The following SMIM23 variants were observed in gnomAD, a reference collection of about 807,000 sequenced individuals.
SMIM23 encodes small integral membrane protein 23.
Under a neutral mutation model 12.8 loss-of-function variants are expected in SMIM23, and 10 were observed. That is an observed-to-expected ratio of 0.78 (90% CI 0.48 to 1.32). SMIM23 has a LOEUF of 1.32. Ranked by LOEUF, SMIM23 falls within the 40% of genes most tolerant of loss-of-function variation. The pLI is 0.00. For synonymous variants in SMIM23, 78 were observed against 80.1 expected (o/e 0.97, Z 0.14); for missense variants, 184 against 198.2 (o/e 0.93, Z 0.43).
chr5:171,790,302 G>A, intron 2 of SMIM23, 21 bp downstream of exon 2: 1 of 1,535,968 alleles, frequency 6.5e-7, no homozygotes, highest in Non-Finnish European at 8.7e-7. Context: ...TGGAATCTGA[G>A]AAAGAAGGAA....
At chr5:171,775,293 C>T in the SMIM23 span, among the ~76,000 whole-genome samples, 7 of 152,292 alleles carry the variant, frequency 4.6e-5, no homozygotes, top group East Asian at 5.8e-4. Flanking sequence ...ACCAGGAGGG[C>T]GCTGCCTCAC....
chr5:171,790,457 G>A (rs1041819599), intron 2 of SMIM23, 25 bp from the exon 3 acceptor site: 1 of 1,536,146 alleles, frequency 6.5e-7, no homozygotes, highest in Admixed American at 2.0e-5. Flanking sequence ...TTGCTCTTCA[G>A]AGGTGATGTT....
At chr5:171,784,792 G>A (rs1012383646), upstream of SMIM23, among the ~76,000 whole-genome samples, 1 of 152,266 alleles carries the variant, frequency 6.6e-6, no homozygotes, top group African/African-American at 2.4e-5. Flanking sequence ...TTTTGAACAG[G>A]TTTGGAACGT....
chr5:171,785,279 T>G (rs7706722), upstream of SMIM23, among the ~76,000 whole-genome samples: 1,018 of 152,354 alleles, frequency 6.7e-3, 10 homozygotes, highest in African/African-American at 0.02. Context: ...GGCAGGATAT[T>G]ACTGTACCAC....
In SMIM23 at chr5:171,790,396, C is replaced by T. The variant is rs1755900117; in HGVS notation, c.158-86C>T. On this transcript the variant is annotated intron_variant, in intron 2 of 3. Transcript: ENST00000523047. The stretch of plus-strand genomic sequence containing the variant: ...TCCATAACCCACCTTCTCCCACTGA[C>T]CCTTCATCACACTGGGATAACTAAC... The T allele has an allele frequency of 5.5e-5, 83 of 1,498,582 alleles. 4 individuals carry two copies. In the South Asian group the frequency reaches 9.6e-4, roughly 17 times the overall value. 92.8% of individuals were successfully genotyped at this position (1,498,582 alleles called of 1,614,324 possible).
chr5:171,784,680 G>A (rs702074), upstream of SMIM23, among the ~76,000 whole-genome samples: 1,620 of 152,214 alleles, frequency 0.011, 31 homozygotes, highest in African/African-American at 0.037. Flanking sequence ...GCACTCTCAG[G>A]CATTTATCCC....
chr5:171,790,699 T>A, intron 3 of SMIM23, 96 bp from the exon 4 acceptor site: 1 of 1,442,016 alleles, frequency 6.9e-7, no homozygotes, highest in Non-Finnish European at 9.4e-7. Context: ...GAGTAGCATG[T>A]GCAAAGGCCC....
the SMIM23 span, chr5:171,774,003 C>G: frequency 2.0e-4 from 73 of 371,274 alleles, no homozygotes; most frequent in African/African-American, 1.5e-3. Flanking sequence ...CTTGTGTGTG[C>G]ACTTCGCAGG....
At chr5:171,781,650 A>C (rs1339148804), upstream of SMIM23, among the ~76,000 whole-genome samples, 1 of 152,088 alleles carries the variant, frequency 6.6e-6, no homozygotes, top group African/African-American at 2.4e-5. Flanking sequence ...TATCCCAGAC[A>C]ACGTAGCTGC....
chr5:171,787,753 T>C (rs1180750599), intron 1 of SMIM23, among the ~76,000 whole-genome samples: 1 of 152,244 alleles, frequency 6.6e-6, no homozygotes, highest in African/African-American at 2.4e-5. Context: ...GAGGCTCTTT[T>C]GGGGCTCCGC....
rs550650973 is a variant in SMIM23, at chr5:171,786,614, C to T, written c.105+638C>T. The stretch of plus-strand genomic sequence containing the variant: ...TCTGAGGATAAGAAGAAGCTGTTGA[C>T]GGGTTTTAAGCAGAGCAATGAATGA... On this transcript the variant is annotated intron_variant, in intron 1 of 3. Transcript: ENST00000523047. Among the ~76,000 whole-genome samples the T allele has an allele frequency of 2.3e-4, 35 of 152,274 alleles. No homozygotes were observed. The South Asian group carries it at 3.9e-3, about 17-fold the overall frequency.
At chr5:171,778,887 T>C (rs562311581), upstream of SMIM23, among the ~76,000 whole-genome samples, 4 of 152,302 alleles carry the variant, frequency 2.6e-5, no homozygotes, top group East Asian at 1.9e-4. Flanking sequence ...CCCCTGCCCA[T>C]GGTCCCAACG....
chr5:171,778,488 CACACAGAT>C (rs750529900), upstream of SMIM23, among the ~76,000 whole-genome samples: 4,240 of 122,672 alleles, frequency 0.035, 70 homozygotes, highest in Non-Finnish European at 0.049. Flanking sequence ...CACACACACA[CACACAGAT>C]AGAGACAGAG....
chr5:171,790,094 A>T, intron 1 of SMIM23, 136 bp from the exon 2 acceptor site: 1 of 789,138 alleles, frequency 1.3e-6, no homozygotes, highest in Non-Finnish European at 2.0e-6. Flanking sequence ...TGTGACTTAG[A>T]TAACTAGAAC....
At chr5:171,784,694 C>T (rs1755783679), upstream of SMIM23, among the ~76,000 whole-genome samples, 1 of 152,148 alleles carries the variant, frequency 6.6e-6, no homozygotes, top group Non-Finnish European at 1.5e-5. Flanking sequence ...TTATCCCAGA[C>T]AAATGAAACT....
Position 171,790,985 on chromosome 5 carries a change from C to A in SMIM23, c.416C>A (p.Ser139Tyr), listed in dbSNP as rs1338436343. ...LGEPHQEEHC[S>Y]TYKSHLWEWA... The stretch of plus-strand genomic sequence containing the variant: ...GAGCCACACCAGGAGGAGCACTGCT[C>A]CACATATAAAAGTCACTTGTGGGAG... Residue 139 changes from serine (S) to tyrosine (Y), a missense_variant, in exon 4 of 4, where the codon TCC becomes TAC. Coordinates refer to ENST00000523047, the MANE Select transcript of SMIM23 (RefSeq NM_001289970.2). The A allele has an allele frequency of 1.3e-6, 2 of 1,535,776 alleles. No homozygotes were observed. Among genetic ancestry groups the A allele is most frequent in the Non-Finnish European group, 1.7e-6 (2 of 1,146,912 alleles).
intron 1 of SMIM23, 130 bp from the exon 2 acceptor site, chr5:171,790,100 A>T: frequency 2.4e-6 from 2 of 849,620 alleles, no homozygotes; most frequent in Non-Finnish European, 3.7e-6. Flanking sequence ...TTAGATAACT[A>T]GAACAAAAGT....
At chr5:171,779,212 C>A (rs1394675222), upstream of SMIM23, among the ~76,000 whole-genome samples, 3 of 152,210 alleles carry the variant, frequency 2.0e-5, no homozygotes, top group Admixed American at 2.0e-4. Flanking sequence ...GAATTTCTTA[C>A]TTCTCTTGAA....
chr5:171,781,529 T>C (rs971666992), upstream of SMIM23, among the ~76,000 whole-genome samples: 7 of 129,358 alleles, frequency 5.4e-5, no homozygotes, highest in African/African-American at 2.3e-4. Flanking sequence ...TCTTTTCCTC[T>C]GAGAAGTGCC....
Sources: gnomAD v4.1 joint callset for allele counts (sites outside exome capture counted in the v4.1 genomes callset) on GRCh38, gnomAD v4.1.1 for gene constraint, MANE v1.5 for transcripts, NCBI Gene and HGNC (gene_info 2026-07-23, HGNC 2026-07-21) for gene names.